The following ADAM29 variants were observed in gnomAD, a reference collection of about 807,000 sequenced individuals.
ADAM29 encodes the protein ADAM metallopeptidase domain 29, also known as disintegrin and metalloproteinase domain-containing protein 29.
For synonymous variants in ADAM29, 367 were observed against 342.3 expected, an observed-to-expected ratio of 1.07 and a Z score of -0.80; for missense variants, 969 against 1,001.8, an observed-to-expected ratio of 0.97 and a Z score of 0.44.
At chr4:174,950,517 A>T (rs1745107148) in intron 4 of ADAM29, among the ~76,000 whole-genome samples, 1 of 152,130 alleles carries the variant, frequency 6.6e-6, no homozygotes, top group Non-Finnish European at 1.5e-5. Context: ...TCTCTTTTCC[A>T]TTCTCCTAAC....
intron 2 of ADAM29, among the ~76,000 whole-genome samples, chr4:174,928,596 T>C (rs1579009174): frequency 8.2e-6 from 1 of 121,880 alleles, no homozygotes; most frequent in African/African-American, 2.8e-5. Flanking sequence ...CCAGCCAGAG[T>C]TGACAGGCAA....
intron 4 of ADAM29, among the ~76,000 whole-genome samples, chr4:174,938,633 GA>G (rs1405264676): frequency 1.3e-5 from 2 of 152,098 alleles, no homozygotes; most frequent in Non-Finnish European, 2.9e-5. Context: ...TGTTTTAAGA[GA>G]TGCTTGTGCC....
At position 174,977,209 on chromosome 4, in the gene ADAM29, A is replaced by T. The variant is rs1746885047; in HGVS notation, c.1684A>T (p.Ile562Phe). The part of the protein sequence containing the change: ...GRIQCENVTE[I>F]PNMSDHTTVH... The stretch of plus-strand genomic sequence containing the variant: ...AATTCAGTGTGAGAATGTGACAGAA[A>T]TTCCCAATATGAGTGATCATACTAC... Residue 562 changes from isoleucine to phenylalanine, a missense_variant, in exon 5 of 5, where the codon ATT becomes TTT. Coordinates refer to ENST00000359240, the MANE Select transcript of ADAM29 (RefSeq NM_014269.4). The T allele has an allele frequency of 6.2e-7, 1 of 1,613,974 alleles. No homozygotes were observed. The highest frequency in any genetic ancestry group is 8.5e-7 in the Non-Finnish European group (1 of 1,180,038).
chr4:174,946,266 A>T (rs1000075582), intron 4 of ADAM29, among the ~76,000 whole-genome samples: 1 of 152,066 alleles, frequency 6.6e-6, no homozygotes, highest in Admixed American at 6.5e-5. Context: ...GCTATTATGA[A>T]TGGGATTATG....
intron 4 of ADAM29, among the ~76,000 whole-genome samples, chr4:174,948,629 G>T (rs1744988135): frequency 6.6e-6 from 1 of 152,190 alleles, no homozygotes; most frequent in Non-Finnish European, 1.5e-5. Context: ...GAGGCAGTGG[G>T]ATCTGTGCTT....
intron 4 of ADAM29, among the ~76,000 whole-genome samples, chr4:174,960,991 G>A (rs926850540): frequency 5.3e-5 from 8 of 152,054 alleles, no homozygotes; most frequent in Non-Finnish European, 1.2e-4. Context: ...GTAACTTTAC[G>A]TTAACTGATC....
intron 4 of ADAM29, among the ~76,000 whole-genome samples, chr4:174,950,445 A>T (rs1006603494): frequency 2.6e-5 from 4 of 152,218 alleles, no homozygotes; most frequent in African/African-American, 9.6e-5. Context: ...GGAACTTTTG[A>T]ATTCTCTGAC....
At chr4:174,964,160 A>G (rs1746020094) in intron 4 of ADAM29, among the ~76,000 whole-genome samples, 1 of 152,058 alleles carries the variant, frequency 6.6e-6, no homozygotes, top group Non-Finnish European at 1.5e-5. Flanking sequence ...GCATTTGGAG[A>G]TAGCTTCTAT....
At chr4:174,946,300 G>A (rs549587901) in intron 4 of ADAM29, among the ~76,000 whole-genome samples, 3 of 152,158 alleles carry the variant, frequency 2.0e-5, no homozygotes, top group African/African-American at 7.2e-5. Context: ...TCTCAGCTAG[G>A]ACATTGTTGT....
intron 2 of ADAM29, among the ~76,000 whole-genome samples, chr4:174,930,119 G>A (rs374046318): frequency 2.6e-5 from 4 of 151,936 alleles, no homozygotes; most frequent in South Asian, 2.1e-4. Flanking sequence ...TAGTAGAGAC[G>A]GGGTTTCACC....
chr4:174,953,779 C>T (rs766866066), intron 4 of ADAM29, among the ~76,000 whole-genome samples: 21 of 152,088 alleles, frequency 1.4e-4, no homozygotes, highest in African/African-American at 2.4e-4. Context: ...GATGCCATCT[C>T]GGCTGACTGC....
chr4:174,945,889 C>T (rs1274023334), intron 4 of ADAM29, among the ~76,000 whole-genome samples: 2 of 152,112 alleles, frequency 1.3e-5, no homozygotes, highest in African/African-American at 2.4e-5. Context: ...ATTTTGGTTA[C>T]TGTAGTCTTG....
At chr4:174,923,259 G>T (rs1743271223) in intron 2 of ADAM29, among the ~76,000 whole-genome samples, 1 of 151,622 alleles carries the variant, frequency 6.6e-6, no homozygotes, top group Admixed American at 6.6e-5. Context: ...ATTTCACCAT[G>T]TTGGCCAGGC....
intron 3 of ADAM29, among the ~76,000 whole-genome samples, chr4:174,933,872 T>C (rs1238785169): frequency 6.6e-6 from 1 of 152,214 alleles, no homozygotes. Context: ...TCATCCAGTT[T>C]ACCATTGATG....
chr4:174,937,644 A>G (rs1295947289), intron 4 of ADAM29, among the ~76,000 whole-genome samples: 1 of 151,970 alleles, frequency 6.6e-6, no homozygotes, highest in Non-Finnish European at 1.5e-5. Flanking sequence ...ACATGCTGCT[A>G]CCTCATTTCT....
intron 4 of ADAM29, among the ~76,000 whole-genome samples, chr4:174,952,446 A>G (rs1452637717): frequency 6.6e-6 from 1 of 152,194 alleles, no homozygotes; most frequent in African/African-American, 2.4e-5. Context: ...ATATCAGTGC[A>G]TACTAACACA....
At chr4:174,948,035 T>C (rs1289393703) in intron 4 of ADAM29, among the ~76,000 whole-genome samples, 1 of 152,246 alleles carries the variant, frequency 6.6e-6, no homozygotes. Context: ...TTTAGTTATA[T>C]CTTAAGATGG....
Position 174,977,689 on chromosome 4 carries a change from C to T in ADAM29, c.2164C>T (p.Gln722Ter). 6.2e-7 allele frequency: 1 copy of T among 1,614,252 alleles called. No individual in the cohort carries two copies. The highest frequency in any genetic ancestry group is 1.6e-4 in the Middle Eastern group (1 of 6,062). The stretch of plus-strand genomic sequence containing the variant: ...ATCTGCAAAAGAAGAGGAAAAAATT[C>T]AGCGTCGACCTCATGAGTTACCTCC... ...TPSAKEEEKI[Q>*]RRPHELPPQS... Residue 722 changes from glutamine to a stop codon, truncating the protein, a stop_gained, in exon 5 of 5, where the codon CAG becomes TAG. Coordinates refer to ENST00000359240, the MANE Select transcript of ADAM29 (RefSeq NM_014269.4). LOFTEE classifies it low-confidence loss of function (END_TRUNC).
chr4:174,937,540 G>T (rs781262327), intron 4 of ADAM29, among the ~76,000 whole-genome samples: 16 of 151,880 alleles, frequency 1.1e-4, no homozygotes, highest in East Asian at 5.8e-4. Context: ...CATTTCATCA[G>T]GTGATTTCTC....
Sources: allele counts gnomAD v4.1 joint callset (sites outside exome capture counted in the v4.1 genomes callset), GRCh38; gene constraint gnomAD v4.1.1; transcripts MANE v1.5; gene names NCBI Gene and HGNC (gene_info 2026-07-23, HGNC 2026-07-21).